Variants in SERGEF observed in about 807,000 individuals in gnomAD.
The protein encoded by SERGEF is secretion-regulating guanine nucleotide exchange factor.
Under a neutral mutation model 50.0 loss-of-function variants are expected in SERGEF, and 51 were observed. The observed-to-expected ratio is 1.02, with a 90% CI of 0.81 to 1.29. The LOEUF is 1.29. Ranked by LOEUF, SERGEF falls within the 50% of genes most tolerant of loss-of-function variation. The probability of loss-of-function intolerance (pLI) is 0.00; values close to 1 mark genes in which losing one functional copy is unlikely to be tolerated. For synonymous variants in SERGEF, 205 were observed against 212.4 expected (o/e 0.97, Z 0.30); for missense variants, 521 against 557.0 (o/e 0.94, Z 0.65).
rs1850844199 is a variant in SERGEF at position 17,857,535 on chromosome 11, T to C, written c.1048+20673A>G. Among the ~76,000 whole-genome samples the C allele has an allele frequency of 3.9e-5, 6 of 152,360 alleles. 1 individual carries two copies. In the Middle Eastern group the frequency reaches 0.017, roughly 432 times the overall value. ...CCCATATTTTTCCCCCTTCTTGCTA[T>C]GTAATGCCATTTGGTGAAAACTTCT... On this transcript the variant is annotated intron_variant, in intron 10 of 10. Coordinates refer to ENST00000265965, the MANE Select transcript of SERGEF (RefSeq NM_012139.4).
At chr11:17,849,099 TAGG>T (rs1850667981) in intron 10 of SERGEF, among the ~76,000 whole-genome samples, 1 of 152,176 alleles carries the variant, frequency 6.6e-6, no homozygotes, top group Admixed American at 6.5e-5. Context: ...TGTACATGCA[TAGG>T]AGATGTGAGT....
At chr11:17,975,882 A>T (rs1373306560) in intron 8 of SERGEF, among the ~76,000 whole-genome samples, 2 of 152,140 alleles carry the variant, frequency 1.3e-5, no homozygotes, top group African/African-American at 2.4e-5. Context: ...CCACTTCTAT[A>T]GATTTTTTCG....
chr11:17,963,747 G>T (rs1373702283), intron 8 of SERGEF, among the ~76,000 whole-genome samples: 1 of 152,152 alleles, frequency 6.6e-6, no homozygotes, highest in Admixed American at 6.5e-5. Context: ...ATTTATTAAA[G>T]TATGTACATT....
intron 9 of SERGEF, among the ~76,000 whole-genome samples, chr11:17,899,778 C>T (rs1276481508): frequency 1.3e-5 from 2 of 150,066 alleles, no homozygotes; most frequent in Non-Finnish European, 2.9e-5. Context: ...CATACTGAGA[C>T]CCCCCATCTC....
At chr11:17,791,660 C>A (rs188178007) in intron 10 of SERGEF, among the ~76,000 whole-genome samples, 1 of 152,312 alleles carries the variant, frequency 6.6e-6, no homozygotes, top group East Asian at 1.9e-4. Flanking sequence ...GGTTCAAATC[C>A]CAGCTTCGCC....
At chr11:17,870,331 C>G (rs1022685437) in intron 10 of SERGEF, among the ~76,000 whole-genome samples, 2 of 152,196 alleles carry the variant, frequency 1.3e-5, no homozygotes, top group Non-Finnish European at 2.9e-5. Flanking sequence ...ATGATGTAAT[C>G]AGAAAGGTCC....
chr11:17,980,084 G>A (rs1355917961), intron 8 of SERGEF, among the ~76,000 whole-genome samples: 1 of 152,214 alleles, frequency 6.6e-6, no homozygotes, highest in Non-Finnish European at 1.5e-5. Context: ...GGGAGCGGGA[G>A]AGAAAAGAAA....
chr11:17,923,870 A>C (rs113866899), intron 9 of SERGEF, among the ~76,000 whole-genome samples: 191 of 152,326 alleles, frequency 1.3e-3, no homozygotes, highest in African/African-American at 4.4e-3. Flanking sequence ...CACCTGCTAC[A>C]TCACAAGCTC....
chr11:17,970,393 G>A lies in SERGEF; in HGVS notation c.845-10757C>T, dbSNP rs117844296. Among the ~76,000 whole-genome samples the A allele has an allele frequency of 1.8e-4, 28 of 152,248 alleles. No homozygotes were observed. The East Asian group carries it at 4.6e-3, about 25-fold the overall frequency. The stretch of plus-strand genomic sequence containing the variant: ...TGTGTTCTGACTGCTCCACCGACCA[G>A]CCCTTCTTCCATCTCTCTCCCTCTC... On this transcript the variant is annotated intron_variant, in intron 8 of 10. Transcript: ENST00000265965.
chr11:17,901,528 A>C (rs1161156052), intron 9 of SERGEF, among the ~76,000 whole-genome samples: 1 of 152,122 alleles, frequency 6.6e-6, no homozygotes, highest in Non-Finnish European at 1.5e-5. Flanking sequence ...GCTCCAACCA[A>C]AGTGGACTGT....
chr11:17,951,950 C>T (rs563494268), intron 9 of SERGEF, among the ~76,000 whole-genome samples: 1 of 152,138 alleles, frequency 6.6e-6, no homozygotes, highest in Non-Finnish European at 1.5e-5. Flanking sequence ...GTGAACTAGT[C>T]CCTCCCAGGT....
intron 7 of SERGEF, among the ~76,000 whole-genome samples, chr11:17,989,544 G>C (rs1044127052): frequency 1.3e-5 from 2 of 152,218 alleles, no homozygotes; most frequent in African/African-American, 4.8e-5. Flanking sequence ...CAGAGAGTAC[G>C]TGCCTATCTA....
At chr11:17,880,178 T>A (rs1189782066) in intron 9 of SERGEF, among the ~76,000 whole-genome samples, 1 of 152,220 alleles carries the variant, frequency 6.6e-6, no homozygotes, top group Non-Finnish European at 1.5e-5. Flanking sequence ...AGTGCTTAAT[T>A]ACCAGTAAGT....
intron 8 of SERGEF, among the ~76,000 whole-genome samples, chr11:17,982,243 G>A (rs1192342510): frequency 6.6e-6 from 1 of 152,228 alleles, no homozygotes; most frequent in Non-Finnish European, 1.5e-5. Flanking sequence ...TGAGAGTCAT[G>A]AGACTTGATT....
chr11:18,012,406 C>T (rs1854215027), intron 1 of SERGEF: 1 of 811,736 alleles, frequency 1.2e-6, no homozygotes, highest in Admixed American at 6.0e-5. Context: ...AACAGCAGCC[C>T]AACTCCCCCA....
intron 9 of SERGEF, chr11:17,926,752 A>T: frequency 2.2e-6 from 1 of 456,186 alleles, no homozygotes. Flanking sequence ...CTATTACTCC[A>T]AAAGACTATC....
intron 9 of SERGEF, among the ~76,000 whole-genome samples, chr11:17,882,539 A>T (rs1851355010): frequency 6.6e-6 from 1 of 152,094 alleles, no homozygotes; most frequent in Non-Finnish European, 1.5e-5. Context: ...AGCACTATGT[A>T]TCATGGCCCT....
rs777458585 is a variant in SERGEF, at chr11:17,788,327, G to A, written c.1135C>T (p.Gln379Ter). ...EANVWAPKPV[Q>*]ALLSSSGLLV... Reference sequence around the variant, plus strand: ...AGTCCTGACGATGACAGCAGAGCCTGCACCGGCTTTGGGGCCCAGACGTTG... The same window carrying A: ...AGTCCTGACGATGACAGCAGAGCCTACACCGGCTTTGGGGCCCAGACGTTG... Residue 379 changes from glutamine to a stop codon, truncating the protein, a stop_gained, in exon 11 of 11, where the codon CAG (glutamine) becomes TAG (stop). Coordinates refer to ENST00000265965, the MANE Select transcript of SERGEF (RefSeq NM_012139.4). LOFTEE classifies it low-confidence loss of function (END_TRUNC). 2 of 1,614,200 alleles carry A rather than the reference G, an allele frequency of 1.2e-6. No homozygotes were observed. Among genetic ancestry groups the A allele is most frequent in the South Asian group, 2.2e-5 (2 of 91,088 alleles).
Position 18,008,001 on chromosome 11 carries a change from A to C in SERGEF, c.136T>G (p.Cys46Gly). The C allele has an allele frequency of 6.2e-7, 1 of 1,614,178 alleles. No homozygotes were observed. The highest frequency in any genetic ancestry group is 1.1e-5 in the South Asian group (1 of 91,076). The change falls in exon 2 of 11, where the codon TGT (cysteine) becomes GGT (glycine). Residue 46 changes from cysteine (C) to glycine (G), a missense_variant. Transcript: ENST00000265965. ...ATCCTCCTGACACTCCTGGGTTTAC[A>C]GAAGTCATTCAGTTGCTGGGGCAAC... ...VLLPQQLNDF[C>G]KPRSVRRITG... is the part of the protein sequence containing the mutation.
Sources: gnomAD v4.1 joint callset for allele counts (sites outside exome capture counted in the v4.1 genomes callset) on GRCh38, gnomAD v4.1.1 for gene constraint, MANE v1.5 for transcripts, NCBI Gene and HGNC (gene_info 2026-07-23, HGNC 2026-07-21) for gene names.